IQCM: variants seen among roughly 807,000 people sequenced by gnomAD.
IQCM encodes the protein IQ motif containing M.
IQCM carries 45 observed loss-of-function variants against 57.6 expected under a neutral mutation model. The ratio of observed to expected loss-of-function variants is 0.78; its 90% CI spans 0.62 to 1.00. The LOEUF is 1.00. Ranked by LOEUF, IQCM falls within the 50% of genes least tolerant of loss-of-function variation. The pLI, the probability that IQCM is intolerant of heterozygous loss-of-function variation, is 0.00. For missense variants in IQCM, 468 were observed against 511.6 expected (o/e 0.91, Z 0.82); for synonymous variants, 148 against 158.9 (o/e 0.93, Z 0.51).
chr4:149,658,046 G>C (rs1178413336), intron 7 of IQCM, among the ~76,000 whole-genome samples: 1 of 149,420 alleles, frequency 6.7e-6, no homozygotes, highest in Non-Finnish European at 1.5e-5. Flanking sequence ...GTTTTTTTTT[G>C]CTTTTGTTCC....
intron 13 of IQCM, among the ~76,000 whole-genome samples, chr4:149,394,663 AC>A (rs1478827452): frequency 1.3e-5 from 2 of 151,938 alleles, no homozygotes; most frequent in Admixed American, 1.3e-4. Flanking sequence ...AGGAATTCTG[AC>A]AGGTGGATGC....
chr4:149,590,808 T>C lies in IQCM; in HGVS notation c.682-2811A>G, dbSNP rs564342909. ...ATCCTTTTTTATAGCTGCATAGTATTCCATGGTGTATATGTGCCACATTTT... is the reference window on the plus strand; with the variant it reads ...ATCCTTTTTTATAGCTGCATAGTATCCCATGGTGTATATGTGCCACATTTT... On this transcript the variant is annotated intron_variant, in intron 8 of 13. Transcript: ENST00000636793. Among the ~76,000 whole-genome samples the C allele has an allele frequency of 2.0e-5, 3 of 152,214 alleles. No individual in the cohort carries two copies. In the East Asian group the frequency reaches 5.8e-4, roughly 29 times the overall value.
intron 12 of IQCM, among the ~76,000 whole-genome samples, chr4:149,444,800 G>A (rs1450157449): frequency 6.6e-6 from 1 of 151,858 alleles, no homozygotes; most frequent in Non-Finnish European, 1.5e-5. Flanking sequence ...TAACAAATAT[G>A]AGCCTAACAT....
chr4:149,502,697 CAACA>C (rs1159673971), intron 12 of IQCM, among the ~76,000 whole-genome samples: 2 of 151,598 alleles, frequency 1.3e-5, no homozygotes, highest in South Asian at 2.1e-4. Flanking sequence ...AACAAAACAA[CAACA>C]AACAAACAAA....
At chr4:149,442,925 T>A (rs1329844219) in intron 12 of IQCM, among the ~76,000 whole-genome samples, 2 of 133,176 alleles carry the variant, frequency 1.5e-5, no homozygotes, top group Non-Finnish European at 3.2e-5. Context: ...TATCTCTCAA[T>A]ACACACACAC....
intron 12 of IQCM, among the ~76,000 whole-genome samples, chr4:149,449,875 A>T (rs1378428033): frequency 2.0e-5 from 3 of 151,856 alleles, no homozygotes; most frequent in African/African-American, 7.2e-5. Flanking sequence ...ATTGATAAGG[A>T]ATCAAAAAAG....
intron 13 of IQCM, among the ~76,000 whole-genome samples, chr4:149,394,092 T>C (rs1384334029): frequency 6.6e-6 from 1 of 152,038 alleles, no homozygotes; most frequent in Admixed American, 6.6e-5. Flanking sequence ...ATGCCATACT[T>C]ACTTCAATTT....
At chr4:149,570,366 G>C (rs536328745) in intron 9 of IQCM, among the ~76,000 whole-genome samples, 2 of 151,972 alleles carry the variant, frequency 1.3e-5, no homozygotes, top group African/African-American at 4.8e-5. Flanking sequence ...TAATCTTTAC[G>C]TGAAAATGAT....
chr4:149,790,583 G>A (rs891068485), intron 2 of IQCM, among the ~76,000 whole-genome samples: 1 of 152,076 alleles, frequency 6.6e-6, no homozygotes, highest in Admixed American at 6.5e-5. Flanking sequence ...GTTTTAAAAC[G>A]ATTAAAGCTG....
intron 7 of IQCM, among the ~76,000 whole-genome samples, chr4:149,668,731 A>G (rs1221116758): frequency 6.6e-6 from 1 of 152,208 alleles, no homozygotes; most frequent in Non-Finnish European, 1.5e-5. Flanking sequence ...TTAGGACTTC[A>G]AAGAAAGTGT....
In IQCM at chr4:149,815,595, C is replaced by T. The variant is rs1240506121; in HGVS notation, c.-87+5G>A. 1 of 151,924 alleles carries T rather than the reference C, an allele frequency of 6.6e-6. No homozygotes were observed. The highest frequency in any genetic ancestry group is 2.4e-5 in the African/African-American group (1 of 41,414). 9.4% of individuals were successfully genotyped at this position (151,924 alleles called of 1,614,324 possible). A position where few individuals can be genotyped will look rare whatever the true frequency, so the allele number is the denominator to read the frequency against. On this transcript the variant is annotated splice_donor_5th_base_variant and intron_variant, in intron 1 of 13. Coordinates refer to ENST00000636793, the MANE Select transcript of IQCM (RefSeq NM_001363507.2). ...TAAGCCAATTGATAGTATTTAATTA[C>T]TTACCTTTCTGCCTTAGTTCCAACA...
chr4:149,768,777 T>C (rs1322941817), intron 2 of IQCM, among the ~76,000 whole-genome samples: 1 of 152,062 alleles, frequency 6.6e-6, no homozygotes, highest in African/African-American at 2.4e-5. Context: ...ATCACATAAT[T>C]ATCAAAGGTT....
intron 9 of IQCM, among the ~76,000 whole-genome samples, chr4:149,587,120 C>T (rs1312110673): frequency 2.0e-5 from 3 of 151,676 alleles, no homozygotes; most frequent in Non-Finnish European, 3.0e-5. Flanking sequence ...TGTCTTCTGA[C>T]ATTTCACACC....
At chr4:149,552,336 C>A (rs950961072) in intron 11 of IQCM, among the ~76,000 whole-genome samples, 11 of 152,016 alleles carry the variant, frequency 7.2e-5, no homozygotes, top group African/African-American at 2.7e-4. Context: ...CTGAGACTAC[C>A]AACATTTTCA....
At chr4:149,414,562 A>C (rs1361374512) in intron 13 of IQCM, among the ~76,000 whole-genome samples, 1 of 152,160 alleles carries the variant, frequency 6.6e-6, no homozygotes, top group Non-Finnish European at 1.5e-5. Context: ...GAGTTTGTCC[A>C]TTATAGTCCT....
intron 7 of IQCM, among the ~76,000 whole-genome samples, chr4:149,645,921 T>C (rs1261219464): frequency 6.6e-6 from 1 of 152,158 alleles, no homozygotes; most frequent in Non-Finnish European, 1.5e-5. Flanking sequence ...CTACTTCCTC[T>C]GCACACCTGC....
intron 7 of IQCM, among the ~76,000 whole-genome samples, chr4:149,673,157 AC>A (rs1459819629): frequency 6.6e-6 from 1 of 152,160 alleles, no homozygotes; most frequent in Non-Finnish European, 1.5e-5. Context: ...AATGGTACCA[AC>A]CACTGCAAAA....
intron 7 of IQCM, among the ~76,000 whole-genome samples, chr4:149,640,405 A>G (rs6535691): frequency 0.49 from 74,711 of 152,018 alleles, 18,697 homozygotes; most frequent in South Asian, 0.59. Flanking sequence ...ATAAAGTTTA[A>G]TGCTTCACAA....
chr4:149,352,114 G>A, intron 13 of IQCM, 48 bp from the exon 14 acceptor site: 1 of 398,612 alleles, frequency 2.5e-6, no homozygotes, highest in East Asian at 3.6e-5. Flanking sequence ...CAATTAATAT[G>A]ATAGTAATGT....
Sources: allele counts gnomAD v4.1 joint callset (sites outside exome capture counted in the v4.1 genomes callset), GRCh38; gene constraint gnomAD v4.1.1; transcripts MANE v1.5; gene names NCBI Gene and HGNC (gene_info 2026-07-23, HGNC 2026-07-21).